ALK: variants seen among roughly 807,000 people sequenced by gnomAD.
The protein encoded by ALK is ALK tyrosine kinase receptor.
In ALK, 74 loss-of-function variants were observed where a neutral mutation model predicts 163.1. That is an observed-to-expected ratio of 0.45 (90% confidence interval 0.38 to 0.55). The LOEUF is 0.55. ALK is among the 20% of genes least tolerant of loss of function. The pLI is 0.00. For synonymous variants in ALK, 960 were observed against 843.2 expected (o/e 1.14, Z -2.40); for missense variants, 2,063 against 2,105.3 (o/e 0.98, Z 0.39).
At chr2:29,621,157 AT>A (rs1032488463) in intron 3 of ALK, among the ~76,000 whole-genome samples, 42 of 151,952 alleles carry the variant, frequency 2.8e-4, no homozygotes, top group Non-Finnish European at 2.2e-4. Flanking sequence ...ATGGCCTCTA[AT>A]TTTTCATGCA....
chr2:29,428,846 A>G (rs1670206793), intron 4 of ALK, among the ~76,000 whole-genome samples: 1 of 152,042 alleles, frequency 6.6e-6, no homozygotes, highest in East Asian at 1.9e-4. Context: ...TTATAGATAT[A>G]AACACACATA....
chr2:29,409,857 C>T (rs928754868), intron 4 of ALK, among the ~76,000 whole-genome samples: 1 of 152,146 alleles, frequency 6.6e-6, no homozygotes, highest in Admixed American at 6.5e-5. Context: ...TTCTCTACCC[C>T]ATTACCCATT....
In ALK at chr2:29,572,725, G is replaced by A. The variant is rs546016983; in HGVS notation, c.953-40609C>T. On this transcript the variant is annotated intron_variant, in intron 3 of 28. Transcript: ENST00000389048. ...CCTGTTCTTCAGCTCCAATCCCCAC[G>A]CCTCTCAAAACATGGGAGCTGAACA... Among the ~76,000 whole-genome samples, 3 of 152,152 alleles carry A rather than the reference G, an allele frequency of 2.0e-5. No individual in the cohort carries two copies. The South Asian group carries it at 6.2e-4, about 32-fold the overall frequency.
At chr2:29,802,534 G>C (rs1572391396) in intron 1 of ALK, among the ~76,000 whole-genome samples, 1 of 16,790 alleles carries the variant, frequency 6.0e-5, no homozygotes, top group African/African-American at 1.8e-4. Flanking sequence ...GAGAGGAGGG[G>C]AGAGGAGGGG....
At chr2:29,288,686 C>A (rs1665927074) in intron 9 of ALK, among the ~76,000 whole-genome samples, 1 of 152,132 alleles carries the variant, frequency 6.6e-6, no homozygotes, top group African/African-American at 2.4e-5. Flanking sequence ...TGCGGTGGCT[C>A]ATGCCTGTAA....
intron 1 of ALK, among the ~76,000 whole-genome samples, chr2:29,789,669 G>A (rs1664137330): frequency 6.6e-6 from 1 of 152,186 alleles, no homozygotes; most frequent in Non-Finnish European, 1.5e-5. Flanking sequence ...TGGGGTGAAT[G>A]AATGGGGCTT....
intron 5 of ALK, among the ~76,000 whole-genome samples, chr2:29,334,709 C>T (rs748591451): frequency 3.9e-5 from 6 of 152,172 alleles, no homozygotes; most frequent in Non-Finnish European, 8.8e-5. Context: ...CTACCAACTC[C>T]GCCCAGTCTC....
intron 2 of ALK, among the ~76,000 whole-genome samples, chr2:29,703,380 G>T (rs1421817254): frequency 6.6e-6 from 1 of 152,100 alleles, no homozygotes; most frequent in Non-Finnish European, 1.5e-5. Context: ...CCTTAATATT[G>T]TCATGAATGA....
At position 29,920,705 on chromosome 2, in the gene ALK, C is replaced by G. The variant is rs1667976763; in HGVS notation, c.-46G>C. The G allele has an allele frequency of 2.0e-6, 3 of 1,488,046 alleles. No homozygotes were observed. Among genetic ancestry groups the G allele is most frequent in the Non-Finnish European group, 2.7e-6 (3 of 1,106,108 alleles). 92.2% of individuals were successfully genotyped at this position (1,488,046 alleles called of 1,614,324 possible). A position where few individuals can be genotyped will look rare whatever the true frequency, so the allele number is the denominator to read the frequency against. On this transcript the variant is annotated 5_prime_UTR_variant, in exon 1 of 29. Transcript: ENST00000389048. Reference sequence around the variant, plus strand: ...ACACTGCTCTCCGGGCCCAGCCTCACCCTTCGCTCTCCCCGAGATGGGAAG... The same window carrying G: ...ACACTGCTCTCCGGGCCCAGCCTCAGCCTTCGCTCTCCCCGAGATGGGAAG...
chr2:29,329,117 T>G (rs1667364095), intron 5 of ALK, among the ~76,000 whole-genome samples: 2 of 152,184 alleles, frequency 1.3e-5, no homozygotes, highest in Admixed American at 1.3e-4. Flanking sequence ...AGGAGGGATT[T>G]CTATTAGATT....
At chr2:29,717,827 A>T in intron 1 of ALK, 130 bp from the exon 2 acceptor site, 1 of 1,228,766 alleles carries the variant, frequency 8.1e-7, no homozygotes, top group Non-Finnish European at 1.2e-6. Flanking sequence ...TGAGGGGGAA[A>T]AAATTGAGCC....
intron 9 of ALK, among the ~76,000 whole-genome samples, chr2:29,280,281 G>C (rs1257514506): frequency 6.6e-6 from 1 of 152,014 alleles, no homozygotes; most frequent in African/African-American, 2.4e-5. Context: ...TCCATTCTGG[G>C]ATTGAGTGAA....
intron 25 of ALK, 138 bp downstream of exon 25, chr2:29,209,648 A>G (rs1669410304): frequency 1.5e-6 from 1 of 666,542 alleles, no homozygotes; most frequent in Non-Finnish European, 2.6e-6. Context: ...CATAGCCTGA[A>G]AAGGAACTTA....
At chr2:29,491,397 G>A (rs1476728355) in intron 4 of ALK, among the ~76,000 whole-genome samples, 1 of 152,082 alleles carries the variant, frequency 6.6e-6, no homozygotes, top group East Asian at 1.9e-4. Context: ...CGTCAAGCCT[G>A]TGTACCTCAA....
chr2:29,701,514 GA>G (rs1678734641), intron 2 of ALK, among the ~76,000 whole-genome samples: 1 of 152,164 alleles, frequency 6.6e-6, no homozygotes. Flanking sequence ...TCATAAAAAA[GA>G]GAAGAATGCC....
chr2:29,195,650 G>A (rs1213516666), intron 28 of ALK, among the ~76,000 whole-genome samples: 2 of 152,166 alleles, frequency 1.3e-5, no homozygotes, highest in Non-Finnish European at 2.9e-5. Context: ...GAGGAGAATC[G>A]CTTGAACCCG....
chr2:29,353,192 A>G (rs1668161491), intron 5 of ALK, among the ~76,000 whole-genome samples: 1 of 152,180 alleles, frequency 6.6e-6, no homozygotes, highest in Non-Finnish European at 1.5e-5. Flanking sequence ...CCTCTACTCA[A>G]TGGATCATCT....
At chr2:29,797,255 T>C (rs1030011715) in intron 1 of ALK, among the ~76,000 whole-genome samples, 4 of 151,886 alleles carry the variant, frequency 2.6e-5, no homozygotes, top group Non-Finnish European at 5.9e-5. Context: ...GATAACTCTG[T>C]TTCTTGAGCT....
At chr2:29,593,319 C>G (rs371282872) in intron 3 of ALK, among the ~76,000 whole-genome samples, 1 of 152,166 alleles carries the variant, frequency 6.6e-6, no homozygotes, top group Non-Finnish European at 1.5e-5. Context: ...CTTAAAGGCT[C>G]GACCATTGCC....
Sources: gnomAD v4.1 joint callset for allele counts (sites outside exome capture counted in the v4.1 genomes callset) on GRCh38, gnomAD v4.1.1 for gene constraint, MANE v1.5 for transcripts, NCBI Gene and HGNC (gene_info 2026-07-23, HGNC 2026-07-21) for gene names.